THADA: variants seen among roughly 807,000 people sequenced by gnomAD.
THADA encodes the protein tRNA (32-2'-O)-methyltransferase regulator THADA.
In THADA, 213 loss-of-function variants were observed where a neutral mutation model predicts 219.8. The ratio of observed to expected loss-of-function variants is 0.97; its 90% CI spans 0.87 to 1.09. The LOEUF (loss-of-function observed/expected upper bound fraction) is 1.09, where lower values mean the gene tolerates loss of function less well. Ranked by LOEUF, THADA falls within the 50% of genes least tolerant of loss-of-function variation. The pLI, the probability that THADA is intolerant of heterozygous loss-of-function variation, is 0.00. For missense variants in THADA, 2,956 were observed against 2,311.3 expected (o/e 1.28, Z -5.72); for synonymous variants, 1,018 against 828.9 (o/e 1.23, Z -3.92).
In THADA at chr2:43,287,020, C is replaced by G; in HGVS notation, c.5052G>C (p.Gln1684His). ...LIAAELKQWV[Q>H]LVILSCEDHL... ...GGTCTTCACATGACAAGATGACCAG[C>G]TGAACCCACTGCTTCAGCTCAGCAG... The change falls in exon 35 of 38, where the codon CAG becomes CAC. Residue 1684 changes from glutamine (Q) to histidine (H), a missense_variant. Coordinates refer to ENST00000405975, the MANE Select transcript of THADA (RefSeq NM_022065.5). The G allele has an allele frequency of 6.2e-7, 1 of 1,613,894 alleles. No individual in the cohort carries two copies. Among genetic ancestry groups the G allele is most frequent in the Non-Finnish European group, 8.5e-7 (1 of 1,179,838 alleles).
intron 22 of THADA, among the ~76,000 whole-genome samples, chr2:43,523,358 C>T (rs1692739393): frequency 6.6e-6 from 1 of 152,144 alleles, no homozygotes; most frequent in South Asian, 2.1e-4. Context: ...CAGAGAGATT[C>T]TGTCTCAAAT....
chr2:43,392,309 T>C (rs1157150796), intron 29 of THADA, among the ~76,000 whole-genome samples: 2 of 152,210 alleles, frequency 1.3e-5, no homozygotes, highest in Non-Finnish European at 2.9e-5. Context: ...GTAACAGTAA[T>C]ATTAACAGAA....
intron 28 of THADA, among the ~76,000 whole-genome samples, chr2:43,404,458 G>C (rs1675289208): frequency 6.6e-6 from 1 of 151,106 alleles, no homozygotes; most frequent in Admixed American, 6.6e-5. Flanking sequence ...ATCCCAGAGT[G>C]CTGGGATTAT....
intron 28 of THADA, among the ~76,000 whole-genome samples, chr2:43,424,150 T>A (rs906751589): frequency 6.6e-6 from 1 of 152,220 alleles, no homozygotes; most frequent in Non-Finnish European, 1.5e-5. Flanking sequence ...ATGGCATATA[T>A]GTTTAGGTAT....
chr2:43,503,070 T>C (rs1241050570), intron 24 of THADA, among the ~76,000 whole-genome samples: 1 of 152,216 alleles, frequency 6.6e-6, no homozygotes, highest in Non-Finnish European at 1.5e-5. Context: ...AAAAGTCTGA[T>C]AATACAAAGG....
At chr2:43,372,208 A>G (rs1221047743) in intron 29 of THADA, 2 of 152,244 alleles carry the variant, frequency 1.3e-5, no homozygotes, top group African/African-American at 4.8e-5. Context: ...TGAACACACG[A>G]GAAATCTATT....
chr2:43,414,328 T>A (rs1231166236), intron 28 of THADA, among the ~76,000 whole-genome samples: 1 of 152,250 alleles, frequency 6.6e-6, no homozygotes, highest in East Asian at 1.9e-4. Flanking sequence ...TATTTTAGAT[T>A]CAACTGGACT....
chr2:43,286,902 A>G lies in THADA; in HGVS notation c.5164+6T>C. The G allele has an allele frequency of 6.2e-7, 1 of 1,607,900 alleles. No individual in the cohort carries two copies. The highest frequency in any genetic ancestry group is 8.5e-7 in the Non-Finnish European group (1 of 1,174,756). On this transcript the variant is annotated splice_donor_region_variant and intron_variant, in intron 35 of 37. Coordinates refer to ENST00000405975, the MANE Select transcript of THADA (RefSeq NM_022065.5). ...GTACAACAGACTTCCGTCTCGGCGC[A>G]CTTACCAAGAATAGGATGGGGGTTG...
At chr2:43,418,640 T>G (rs927714834) in intron 28 of THADA, among the ~76,000 whole-genome samples, 5 of 152,084 alleles carry the variant, frequency 3.3e-5, no homozygotes, top group African/African-American at 1.2e-4. Context: ...TGATTCTATA[T>G]GAGTTCTAGA....
chr2:43,280,397 G>A (rs867095021), intron 35 of THADA, among the ~76,000 whole-genome samples: 51 of 152,284 alleles, frequency 3.3e-4, no homozygotes, highest in South Asian at 4.1e-4. Flanking sequence ...ACTTTGGGAG[G>A]ACGAGGAGAG....
chr2:43,292,753 C>A, intron 32 of THADA, 81 bp downstream of exon 32: 1 of 1,526,206 alleles, frequency 6.6e-7, no homozygotes, highest in Non-Finnish European at 8.8e-7. Context: ...CCCAATCTTG[C>A]CTTCATGATC....
Position 43,382,608 on chromosome 2 carries a change from A to T in THADA, c.4227+15363T>A, listed in dbSNP as rs191845238. On this transcript the variant is annotated intron_variant, in intron 29 of 37. Coordinates refer to ENST00000405975, the MANE Select transcript of THADA (RefSeq NM_022065.5). The stretch of plus-strand genomic sequence containing the variant: ...TAAGCCAAAAGGCATTAACAGTTAT[A>T]AAAGAGGAAAATACTTAACGATAAA... Among the ~76,000 whole-genome samples, 331 of 152,360 alleles carry T rather than the reference A, an allele frequency of 2.2e-3. 2 individuals are homozygous for T. The highest frequency in any genetic ancestry group is 6.8e-3 in the Middle Eastern group (2 of 294).
intron 29 of THADA, among the ~76,000 whole-genome samples, chr2:43,356,752 GA>G (rs1174021549): frequency 6.6e-6 from 1 of 152,048 alleles, no homozygotes; most frequent in Admixed American, 6.6e-5. Flanking sequence ...GTGGCTGTGT[GA>G]AAAAATAAAC....
intron 26 of THADA, among the ~76,000 whole-genome samples, chr2:43,464,448 T>C (rs1471973782): frequency 3.3e-5 from 5 of 152,242 alleles, no homozygotes; most frequent in African/African-American, 1.2e-4. Context: ...GCTTATGAAG[T>C]GGACTGGTAT....
At chr2:43,572,207 T>G (rs1440482195) in intron 12 of THADA, among the ~76,000 whole-genome samples, 1 of 152,166 alleles carries the variant, frequency 6.6e-6, no homozygotes, top group Non-Finnish European at 1.5e-5. Flanking sequence ...GTTTCCTGGT[T>G]TCTTTCTGCT....
intron 25 of THADA, among the ~76,000 whole-genome samples, chr2:43,494,624 G>A (rs1034269384): frequency 1.3e-5 from 2 of 152,166 alleles, no homozygotes. Context: ...CTGGATAACA[G>A]AAGCTACTAA....
chr2:43,480,831 A>G (rs944121557), intron 26 of THADA, among the ~76,000 whole-genome samples: 1 of 151,948 alleles, frequency 6.6e-6, no homozygotes, highest in Non-Finnish European at 1.5e-5. Context: ...GGGGAAAAAA[A>G]AAAAAAAGAA....
chr2:43,293,601 AG>A (rs1675007427), intron 31 of THADA, among the ~76,000 whole-genome samples: 1 of 152,256 alleles, frequency 6.6e-6, no homozygotes, highest in African/African-American at 2.4e-5. Flanking sequence ...CTTTCCCAGA[AG>A]CTCTTGGTTG....
At chr2:43,476,521 T>C (rs1685568270) in intron 26 of THADA, among the ~76,000 whole-genome samples, 1 of 151,836 alleles carries the variant, frequency 6.6e-6, no homozygotes, top group Non-Finnish European at 1.5e-5. Context: ...TTGATTTGGG[T>C]TTACTGTTAT....
Sources: gnomAD v4.1 joint callset for allele counts (sites outside exome capture counted in the v4.1 genomes callset) on GRCh38, gnomAD v4.1.1 for gene constraint, MANE v1.5 for transcripts, NCBI Gene and HGNC (gene_info 2026-07-23, HGNC 2026-07-21) for gene names.